The following SUGCT variants were observed in gnomAD, a reference collection of about 807,000 sequenced individuals.
The protein encoded by SUGCT is succinyl-CoA:glutarate-CoA transferase.
SUGCT carries 41 observed loss-of-function variants against 55.0 expected under a neutral mutation model. That is an observed-to-expected ratio of 0.74 (90% CI 0.58 to 0.97). The LOEUF (loss-of-function observed/expected upper bound fraction) is 0.97. SUGCT is among the 50% of genes least tolerant of loss of function. The pLI, the probability that SUGCT is intolerant of heterozygous loss-of-function variation, is 0.00. For synonymous variants in SUGCT, 187 were observed against 200.4 expected (o/e 0.93, Z 0.56); for missense variants, 568 against 547.8 (o/e 1.04, Z -0.37).
intron 9 of SUGCT, among the ~76,000 whole-genome samples, chr7:40,362,793 A>G (rs1054000920): frequency 6.6e-6 from 1 of 152,202 alleles, no homozygotes; most frequent in East Asian, 1.9e-4. Flanking sequence ...AGCTATCTCT[A>G]TGATCTAATT....
the SUGCT span, among the ~76,000 whole-genome samples, chr7:40,947,119 C>T: frequency 2.0e-4 from 30 of 152,142 alleles, no homozygotes; most frequent in Non-Finnish European, 3.5e-4. Context: ...TGGTGTCCCA[C>T]AGGTCTCTGA....
the SUGCT span, among the ~76,000 whole-genome samples, chr7:40,986,664 G>A: frequency 6.6e-6 from 1 of 152,182 alleles, no homozygotes; most frequent in East Asian, 1.9e-4. Flanking sequence ...ATCCACTGAA[G>A]AGATAATGGC....
rs543838498 is a variant in SUGCT, at chr7:40,860,353, G to A, written c.1191G>A (p.Glu397=). 1.9e-6 allele frequency: 3 copies of A among 1,613,982 alleles called. 1 individual carries two copies. Among genetic ancestry groups the A allele is most frequent in the South Asian group, 2.2e-5 (2 of 91,088 alleles). The change falls in exon 14 of 14, where the codon GAG becomes GAA. Residue 397 remains glutamate, a synonymous_variant. Coordinates refer to ENST00000335693, the MANE Select transcript of SUGCT (RefSeq NM_001193313.2). ...GATACAGTAAGTTCAAGATGTCAGA[G>A]GCCAGGCCGCCCCCGCTGCTCGGGC... is the stretch of plus-strand genomic sequence containing the variant. ...AVRYSKFKMS[E]ARPPPLLGQH...
At chr7:40,312,737 G>A (rs1195802163) in intron 8 of SUGCT, among the ~76,000 whole-genome samples, 1 of 152,178 alleles carries the variant, frequency 6.6e-6, no homozygotes, top group Admixed American at 6.5e-5. Flanking sequence ...AAAAGATGAT[G>A]TTGAAATAGA....
chr7:40,729,563 T>C (rs1372261574), intron 12 of SUGCT, among the ~76,000 whole-genome samples: 11 of 151,950 alleles, frequency 7.2e-5, no homozygotes, highest in Admixed American at 7.2e-4. Flanking sequence ...TTTGAAAGAG[T>C]GTGCTGTTCA....
At chr7:40,929,692 T>G in the SUGCT span, among the ~76,000 whole-genome samples, 1 of 152,232 alleles carries the variant, frequency 6.6e-6, no homozygotes, top group African/African-American at 2.4e-5. Context: ...CATTTTTTCA[T>G]GTGTCTCTTG....
intron 12 of SUGCT, among the ~76,000 whole-genome samples, chr7:40,654,413 C>A (rs552074220): frequency 6.6e-6 from 1 of 152,160 alleles, no homozygotes; most frequent in African/African-American, 2.4e-5. Flanking sequence ...CCTTGACAAG[C>A]TTTAGCACAC....
chr7:40,952,380 A>G, the SUGCT span, among the ~76,000 whole-genome samples: 1 of 152,166 alleles, frequency 6.6e-6, no homozygotes, highest in African/African-American at 2.4e-5. Flanking sequence ...TGAATACAGC[A>G]CACTGATAGA....
intron 7 of SUGCT, among the ~76,000 whole-genome samples, chr7:40,270,671 T>A (rs1019255340): frequency 1.4e-4 from 22 of 152,336 alleles, no homozygotes; most frequent in African/African-American, 5.3e-4. Flanking sequence ...TCTAGATTGG[T>A]TATTCTTTGT....
chr7:40,919,622 G>T, the SUGCT span, among the ~76,000 whole-genome samples: 1 of 152,012 alleles, frequency 6.6e-6, no homozygotes, highest in East Asian at 1.9e-4. Flanking sequence ...CCAACCCAAG[G>T]TTTCTTAATT....
the SUGCT span, among the ~76,000 whole-genome samples, chr7:40,918,980 A>G: frequency 6.6e-6 from 1 of 152,234 alleles, no homozygotes; most frequent in African/African-American, 2.4e-5. Context: ...AAGTTACCTC[A>G]CAAGTGGTGA....
chr7:40,992,665 G>A, the SUGCT span, among the ~76,000 whole-genome samples: 1 of 122,476 alleles, frequency 8.2e-6, no homozygotes, highest in Non-Finnish European at 1.8e-5. Context: ...AGGTATGTAT[G>A]AAGTAGTTCT....
chr7:40,857,049 C>G (rs112726047), intron 13 of SUGCT, among the ~76,000 whole-genome samples: 2 of 152,204 alleles, frequency 1.3e-5, no homozygotes, highest in African/African-American at 4.8e-5. Flanking sequence ...GACTGAGGCT[C>G]TGAGACCTTA....
chr7:40,317,277 C>T (rs960725670), intron 9 of SUGCT, among the ~76,000 whole-genome samples: 1 of 152,120 alleles, frequency 6.6e-6, no homozygotes, highest in East Asian at 1.9e-4. Flanking sequence ...TGAAAATTTG[C>T]GTGTGATGGT....
intron 12 of SUGCT, among the ~76,000 whole-genome samples, chr7:40,675,979 G>A (rs1369713549): frequency 6.6e-6 from 1 of 152,198 alleles, no homozygotes; most frequent in African/African-American, 2.4e-5. Context: ...TGAGGTGGCT[G>A]AGGCTAGTCA....
At chr7:40,558,999 A>T (rs948466278) in intron 12 of SUGCT, among the ~76,000 whole-genome samples, 8 of 152,258 alleles carry the variant, frequency 5.3e-5, no homozygotes, top group African/African-American at 1.9e-4. Flanking sequence ...GTATGTAAAT[A>T]TGAATAAACA....
chr7:40,367,240 T>A (rs767813470), intron 9 of SUGCT, among the ~76,000 whole-genome samples: 1 of 117,774 alleles, frequency 8.5e-6, no homozygotes, highest in Admixed American at 1.2e-4. Flanking sequence ...ACAGGAAGGG[T>A]AACATCACAC....
intron 12 of SUGCT, among the ~76,000 whole-genome samples, chr7:40,551,167 G>A (rs1178641075): frequency 2.6e-5 from 4 of 152,134 alleles, no homozygotes; most frequent in Admixed American, 1.3e-4. Context: ...GAACACTTGT[G>A]ATTTTATGGA....
chr7:40,373,097 T>C (rs151090555), intron 9 of SUGCT, among the ~76,000 whole-genome samples: 3 of 152,022 alleles, frequency 2.0e-5, no homozygotes, highest in African/African-American at 4.8e-5. Context: ...TAGGTGAAAA[T>C]TGTTGCTAGT....
Sources: gnomAD v4.1 joint callset for allele counts (sites outside exome capture counted in the v4.1 genomes callset) on GRCh38, gnomAD v4.1.1 for gene constraint, MANE v1.5 for transcripts, NCBI Gene and HGNC (gene_info 2026-07-23, HGNC 2026-07-21) for gene names.